Variants in MCPH1 observed in about 807,000 individuals in gnomAD.
The protein encoded by MCPH1 is microcephalin 1.
Under a neutral mutation model 84.5 loss-of-function variants are expected in MCPH1, and 104 were observed. The ratio of observed to expected loss-of-function variants is 1.23; its 90% CI spans 1.05 to 1.45. MCPH1 has a LOEUF of 1.45. Ranked by LOEUF, MCPH1 falls within the 40% of genes most tolerant of loss-of-function variation. The probability of loss-of-function intolerance (pLI) is 0.00; values close to 1 mark genes in which losing one functional copy is unlikely to be tolerated. For missense variants in MCPH1, 1,498 were observed against 1,005.7 expected, an observed-to-expected ratio of 1.49 and a Z score of -6.62; for synonymous variants, 514 against 366.8, an observed-to-expected ratio of 1.40 and a Z score of -4.58.
At chr8:6,456,337 C>T (rs1004079523) in intron 9 of MCPH1, among the ~76,000 whole-genome samples, 1 of 152,172 alleles carries the variant, frequency 6.6e-6, no homozygotes, top group African/African-American at 2.4e-5. Flanking sequence ...ACCTGCTCAG[C>T]GCGCTGCCTC....
chr8:6,638,822 TAC>T (rs1317418081), intron 13 of MCPH1, among the ~76,000 whole-genome samples: 1 of 152,156 alleles, frequency 6.6e-6, no homozygotes, highest in African/African-American at 2.4e-5. Context: ...TGTGTGTGTT[TAC>T]AGTTAGGAAC....
chr8:6,506,807 T>G (rs1163742942), intron 12 of MCPH1, among the ~76,000 whole-genome samples: 2 of 151,956 alleles, frequency 1.3e-5, no homozygotes, highest in Non-Finnish European at 1.5e-5. Context: ...GAGGCCTGAT[T>G]CTTTCAGCAT....
intron 12 of MCPH1, among the ~76,000 whole-genome samples, chr8:6,593,994 A>T (rs573152788): frequency 6.6e-6 from 1 of 152,150 alleles, no homozygotes; most frequent in African/African-American, 2.4e-5. Flanking sequence ...TGCCTTCCCT[A>T]TTGTCTCTTC....
At chr8:6,406,750 G>A in intron 1 of MCPH1, 61 bp downstream of exon 1, 2 of 1,584,718 alleles carry the variant, frequency 1.3e-6, no homozygotes. Context: ...ACCCCTCGTC[G>A]CGGGCGCACT....
chr8:6,591,165 G>A (rs1015115886), intron 12 of MCPH1, among the ~76,000 whole-genome samples: 2 of 152,246 alleles, frequency 1.3e-5, no homozygotes, highest in Non-Finnish European at 2.9e-5. Context: ...CCAACGTGCT[G>A]GGATTACAGG....
At chr8:6,424,711 C>T (rs1327898758) in intron 3 of MCPH1, among the ~76,000 whole-genome samples, 3 of 152,192 alleles carry the variant, frequency 2.0e-5, no homozygotes, top group Non-Finnish European at 4.4e-5. Flanking sequence ...TACTCAACTG[C>T]TGGGCTCTAG....
intron 1 of MCPH1, among the ~76,000 whole-genome samples, chr8:6,408,223 G>C (rs1234017004): frequency 6.6e-6 from 1 of 152,180 alleles, no homozygotes; most frequent in Non-Finnish European, 1.5e-5. Flanking sequence ...ATTTTGAAAA[G>C]GCTTTCAGTA....
chr8:6,614,446 C>G (rs1254226108), intron 12 of MCPH1, among the ~76,000 whole-genome samples: 1 of 152,214 alleles, frequency 6.6e-6, no homozygotes, highest in Non-Finnish European at 1.5e-5. Flanking sequence ...CAACTACGTA[C>G]TGCCTCCTGG....
At chr8:6,577,803 T>C (rs1349860916) in intron 12 of MCPH1, among the ~76,000 whole-genome samples, 3 of 152,226 alleles carry the variant, frequency 2.0e-5, no homozygotes, top group Non-Finnish European at 4.4e-5. Flanking sequence ...AATGACCTTG[T>C]AGCCTAGAAA....
chr8:6,528,877 T>C (rs2129571033), intron 12 of MCPH1, among the ~76,000 whole-genome samples: 1 of 152,352 alleles, frequency 6.6e-6, no homozygotes, highest in Non-Finnish European at 1.5e-5. Flanking sequence ...GGTTTAGTTC[T>C]TATCACAAAA....
chr8:6,407,206 C>T lies in MCPH1; in HGVS notation c.22+517C>T, dbSNP rs1379120408. 4 of 167,534 alleles carry T rather than the reference C, an allele frequency of 2.4e-5. No homozygotes were observed. In the Admixed American group the frequency reaches 2.4e-4, roughly 10 times the overall value. The allele number at this position is 167,534 out of a possible 1,614,324, so 10.4% of individuals were successfully genotyped here. On this transcript the variant is annotated intron_variant, in intron 1 of 13. Transcript: ENST00000344683. ...CCTGTTCGACCCCCTCTGAGGCCCA[C>T]CTGGAGGAGCGGCAGTTGAGTTTCT...
rs1810059254 is a variant in MCPH1, at chr8:6,487,374, C to G, written c.2136+6498C>G. On this transcript the variant is annotated intron_variant, in intron 11 of 13. Coordinates refer to ENST00000344683, the MANE Select transcript of MCPH1 (RefSeq NM_024596.5). ...ATCAATGAACTGTTAGAATAACACA[C>G]TCAGTTCATTCCGTTCACGCCTCTC... 2.0e-5 allele frequency among the ~76,000 whole-genome samples: 3 copies of G among 152,184 alleles called. No homozygotes were observed. In the South Asian group the frequency reaches 6.2e-4, roughly 32 times the overall value.
chr8:6,456,843 G>C (rs576016838), intron 9 of MCPH1, among the ~76,000 whole-genome samples: 1 of 152,154 alleles, frequency 6.6e-6, no homozygotes, highest in African/African-American at 2.4e-5. Context: ...GAATCTGATG[G>C]GCTGGGTCTG....
intron 2 of MCPH1, among the ~76,000 whole-genome samples, chr8:6,410,949 G>T (rs1798452599): frequency 6.6e-6 from 1 of 152,082 alleles, no homozygotes; most frequent in Admixed American, 6.5e-5. Context: ...AAAAAGCCAG[G>T]TGTGGTGGCA....
In MCPH1 at chr8:6,626,509, A is replaced by G; in HGVS notation, c.2452+4818A>G. ...TTTTTTTTGCGTTTTGAGAGAGCAC[A>G]CTTGTGGGTGGTTGAACATGGATAA... On this transcript the variant is annotated intron_variant, in intron 13 of 13. Coordinates refer to ENST00000344683, the MANE Select transcript of MCPH1 (RefSeq NM_024596.5). 5.2e-6 allele frequency: 5 copies of G among 964,166 alleles called. No homozygotes were observed. In the South Asian group the frequency reaches 2.4e-4, roughly 47 times the overall value. The allele number at this position is 964,166 out of a possible 1,614,324, so 59.7% of individuals were successfully genotyped here.
At chr8:6,455,319 C>A in intron 9 of MCPH1, 67 bp downstream of exon 9, 1 of 1,124,634 alleles carries the variant, frequency 8.9e-7, no homozygotes, top group South Asian at 1.2e-5. Context: ...TTCTCTGGGT[C>A]AATGAAACAT....
intron 9 of MCPH1, among the ~76,000 whole-genome samples, chr8:6,470,345 G>A (rs533187928): frequency 2.0e-5 from 3 of 152,014 alleles, no homozygotes; most frequent in South Asian, 4.2e-4. Context: ...GTGCAGTGGC[G>A]CGATCTCCGC....
intron 12 of MCPH1, among the ~76,000 whole-genome samples, chr8:6,576,447 C>T (rs1459601316): frequency 2.0e-5 from 3 of 151,936 alleles, no homozygotes; most frequent in Non-Finnish European, 4.4e-5. Context: ...TGAGGCCAGG[C>T]CTTATTGGAA....
chr8:6,589,895 T>C (rs1412591780), intron 12 of MCPH1, among the ~76,000 whole-genome samples: 1 of 152,206 alleles, frequency 6.6e-6, no homozygotes, highest in Non-Finnish European at 1.5e-5. Context: ...ACTCTTATTA[T>C]GGAAATGAAA....
Sources: allele counts gnomAD v4.1 joint callset (sites outside exome capture counted in the v4.1 genomes callset), GRCh38; gene constraint gnomAD v4.1.1; transcripts MANE v1.5; gene names NCBI Gene and HGNC (gene_info 2026-07-23, HGNC 2026-07-21).